Variants in PALLD observed in about 807,000 individuals in gnomAD.
PALLD encodes palladin.
In PALLD, 61 loss-of-function variants were observed where a neutral mutation model predicts 123.5. That is an observed-to-expected ratio of 0.49 (90% CI 0.40 to 0.61). The LOEUF (loss-of-function observed/expected upper bound fraction) is 0.61. Ranked by LOEUF, PALLD falls within the 20% of genes least tolerant of loss-of-function variation. The pLI is 0.00. For synonymous variants in PALLD, 465 were observed against 496.4 expected, an observed-to-expected ratio of 0.94 and a Z score of 0.84; for missense variants, 1,273 against 1,377.0, an observed-to-expected ratio of 0.92 and a Z score of 1.20.
intron 2 of PALLD, among the ~76,000 whole-genome samples, chr4:168,638,330 C>T (rs1018414068): frequency 5.9e-5 from 9 of 152,304 alleles, no homozygotes; most frequent in Middle Eastern, 3.4e-3. Flanking sequence ...CAAAGCTGTG[C>T]TCTCAGACCT....
chr4:168,792,556 T>A (rs1737685758), intron 10 of PALLD, among the ~76,000 whole-genome samples: 1 of 151,786 alleles, frequency 6.6e-6, no homozygotes, highest in African/African-American at 2.4e-5. Flanking sequence ...CCTTCGTTCC[T>A]CAACTCAAGC....
chr4:168,796,955 T>C (rs745405302), intron 10 of PALLD, among the ~76,000 whole-genome samples: 1 of 152,222 alleles, frequency 6.6e-6, no homozygotes, highest in Non-Finnish European at 1.5e-5. Flanking sequence ...GGCTTTATTA[T>C]GAATACCTGG....
chr4:168,603,883 A>T (rs1215131795), intron 2 of PALLD, among the ~76,000 whole-genome samples: 1 of 152,262 alleles, frequency 6.6e-6, no homozygotes, highest in Non-Finnish European at 1.5e-5. Context: ...CATCTCAGTG[A>T]ATGGATATAC....
chr4:168,773,188 A>C (rs778994600), intron 10 of PALLD, among the ~76,000 whole-genome samples: 7 of 152,344 alleles, frequency 4.6e-5, no homozygotes, highest in Middle Eastern at 6.8e-3. Context: ...TAACAATAAC[A>C]GTGAAATTAA....
intron 18 of PALLD, 41 bp downstream of exon 18, chr4:168,921,782 C>A: frequency 1.4e-6 from 2 of 1,429,748 alleles, no homozygotes; most frequent in Non-Finnish European, 9.9e-7. Context: ...ACAGAATGAA[C>A]ATCAGACTTA....
At chr4:168,794,651 C>T (rs1561532060) in intron 10 of PALLD, among the ~76,000 whole-genome samples, 1 of 152,134 alleles carries the variant, frequency 6.6e-6, no homozygotes, top group Admixed American at 6.5e-5. Flanking sequence ...GTCTTTTAGC[C>T]TCTCGGTATG....
intron 10 of PALLD, among the ~76,000 whole-genome samples, chr4:168,884,877 C>T (rs960543185): frequency 2.0e-5 from 3 of 152,150 alleles, no homozygotes; most frequent in Admixed American, 6.5e-5. Context: ...CTACACCAGG[C>T]GCTGTTCTAA....
At chr4:168,797,034 T>C (rs542287779) in intron 10 of PALLD, among the ~76,000 whole-genome samples, 2 of 152,274 alleles carry the variant, frequency 1.3e-5, no homozygotes, top group African/African-American at 4.8e-5. Context: ...CCCAAGAAAC[T>C]CACCAAATTG....
chr4:168,848,150 T>TCCCCCCCC (rs1560788333), intron 10 of PALLD, among the ~76,000 whole-genome samples: 3 of 113,164 alleles, frequency 2.7e-5, no homozygotes, highest in African/African-American at 7.0e-5. Context: ...CCTACCCCCG[T>TCCCCCCCC]CCCACCCCAC....
At position 168,926,451 on chromosome 4, in the gene PALLD, C is replaced by A; in HGVS notation, c.*271C>A. The A allele has an allele frequency of 1.7e-6, 2 of 1,151,438 alleles. No individual in the cohort carries two copies. The highest frequency in any genetic ancestry group is 2.5e-6 in the Non-Finnish European group (2 of 802,834). The allele number at this position is 1,151,438 out of a possible 1,614,324, so 71.3% of individuals were successfully genotyped here. On this transcript the variant is annotated 3_prime_UTR_variant, in exon 22 of 22. Coordinates refer to ENST00000505667, the MANE Select transcript of PALLD (RefSeq NM_001166108.2). ...TGCCTTGACCAACATATTCCTTTGT[C>A]ACATTATGTAAAAGGCAGAAACATA...
chr4:168,545,036 T>C (rs1027684908), intron 2 of PALLD, among the ~76,000 whole-genome samples: 20 of 152,200 alleles, frequency 1.3e-4, no homozygotes, highest in African/African-American at 4.8e-4. Flanking sequence ...CTTGGAATAT[T>C]AGATTAACTC....
intron 2 of PALLD, among the ~76,000 whole-genome samples, chr4:168,575,669 C>A (rs575783690): frequency 2.6e-5 from 4 of 152,156 alleles, no homozygotes; most frequent in African/African-American, 9.6e-5. Flanking sequence ...TTTCAGAACT[C>A]CTGGTCTACA....
At chr4:168,881,955 TG>T (rs977346113) in intron 10 of PALLD, among the ~76,000 whole-genome samples, 69 of 152,306 alleles carry the variant, frequency 4.5e-4, no homozygotes, top group African/African-American at 1.6e-3. Context: ...GACCCATCCC[TG>T]GAACCAGACT....
chr4:168,715,877 AG>A (rs1785311736), intron 10 of PALLD, among the ~76,000 whole-genome samples: 4 of 151,864 alleles, frequency 2.6e-5, no homozygotes, highest in African/African-American at 9.7e-5. Context: ...GTGAACCCGG[AG>A]GGCGGAGCCT....
chr4:168,697,754 C>T (rs569314816), intron 8 of PALLD, among the ~76,000 whole-genome samples: 12 of 152,296 alleles, frequency 7.9e-5, no homozygotes, highest in East Asian at 3.9e-4. Flanking sequence ...CAGACCTTGA[C>T]GATGACCTTG....
At chr4:168,526,799 G>A (rs1302621582) in intron 2 of PALLD, among the ~76,000 whole-genome samples, 2 of 151,964 alleles carry the variant, frequency 1.3e-5, no homozygotes, top group African/African-American at 2.4e-5. Flanking sequence ...ATCAGAGCAG[G>A]AAACAAGCTT....
chr4:168,638,078 G>A (rs1201040069), intron 2 of PALLD, among the ~76,000 whole-genome samples: 1 of 151,812 alleles, frequency 6.6e-6, no homozygotes, highest in Non-Finnish European at 1.5e-5. Context: ...GGTCACAGAT[G>A]TTTCTTTTTA....
At chr4:168,575,105 A>C (rs954560812) in intron 2 of PALLD, among the ~76,000 whole-genome samples, 3 of 152,164 alleles carry the variant, frequency 2.0e-5, no homozygotes, top group African/African-American at 4.8e-5. Flanking sequence ...TTTGCCTTGC[A>C]TGAATCTGAT....
intron 2 of PALLD, among the ~76,000 whole-genome samples, chr4:168,531,923 T>C (rs1451985146): frequency 6.6e-6 from 1 of 152,028 alleles, no homozygotes; most frequent in Non-Finnish European, 1.5e-5. Flanking sequence ...GATTTTTACT[T>C]CTCTCATTTT....
Sources: allele counts gnomAD v4.1 joint callset (sites outside exome capture counted in the v4.1 genomes callset), GRCh38; gene constraint gnomAD v4.1.1; transcripts MANE v1.5; gene names NCBI Gene and HGNC (gene_info 2026-07-23, HGNC 2026-07-21).